Variants in PALLD observed in about 807,000 individuals in gnomAD.
PALLD encodes the protein palladin.
In PALLD, 61 loss-of-function variants were observed where a neutral mutation model predicts 123.5. The observed-to-expected ratio is 0.49, with a 90% CI of 0.40 to 0.61. The LOEUF is 0.61. Among genes scored for constraint, PALLD ranks in the 20% least tolerant of loss-of-function variants. The probability of loss-of-function intolerance (pLI) is 0.00; values close to 1 mark genes in which losing one functional copy is unlikely to be tolerated. For synonymous variants in PALLD, 465 were observed against 496.4 expected, an observed-to-expected ratio of 0.94 and a Z score of 0.84; for missense variants, 1,273 against 1,377.0, an observed-to-expected ratio of 0.92 and a Z score of 1.20.
chr4:168,848,334 A>C (rs1435139017), intron 10 of PALLD, among the ~76,000 whole-genome samples: 1 of 152,120 alleles, frequency 6.6e-6, no homozygotes, highest in Non-Finnish European at 1.5e-5. Context: ...TGTAATTTAG[A>C]GATTGAAGGT....
chr4:168,511,467 C>A lies in PALLD; in HGVS notation c.-38C>A. On this transcript the variant is annotated 5_prime_UTR_variant, in exon 2 of 22. The change creates a new upstream start codon in the 5' untranslated region. Coordinates refer to ENST00000505667, the MANE Select transcript of PALLD (RefSeq NM_001166108.2). ...GTTTCCAGTGCCTCTGGCCTTCCTACTGAAAGCAGACACAGAGTGCATGAA... is the reference window on the plus strand; with the variant it reads ...GTTTCCAGTGCCTCTGGCCTTCCTAATGAAAGCAGACACAGAGTGCATGAA... The A allele has an allele frequency of 2.0e-6, 3 of 1,536,438 alleles. No individual in the cohort carries two copies. The highest frequency in any genetic ancestry group is 2.2e-5 in the East Asian group (1 of 44,536).
At chr4:168,730,422 T>C (rs908561233) in intron 10 of PALLD, among the ~76,000 whole-genome samples, 2 of 152,106 alleles carry the variant, frequency 1.3e-5, no homozygotes, top group African/African-American at 2.4e-5. Context: ...GTTATTGTCA[T>C]TTTGTTTTGT....
chr4:168,842,360 AT>A (rs1406501450), intron 10 of PALLD, among the ~76,000 whole-genome samples: 1 of 152,260 alleles, frequency 6.6e-6, no homozygotes, highest in Non-Finnish European at 1.5e-5. Flanking sequence ...GACTGAACAT[AT>A]GGATCATCTT....
In PALLD at chr4:168,926,767, A is replaced by T. The variant is rs1762628566; in HGVS notation, c.*587A>T. ...GCCTGATAGTGTGAAATGTTTAATGAGGGAGTTGTACCACAAACAGTACTA... is the reference window on the plus strand; with the variant it reads ...GCCTGATAGTGTGAAATGTTTAATGTGGGAGTTGTACCACAAACAGTACTA... On this transcript the variant is annotated 3_prime_UTR_variant, in exon 22 of 22. Transcript: ENST00000505667. 4.0e-6 allele frequency: 1 copy of T among 247,196 alleles called. No homozygotes were observed. The highest frequency in any genetic ancestry group is 7.9e-6 in the Non-Finnish European group (1 of 126,644). The allele number at this position is 247,196 out of a possible 1,614,324, so 15.3% of individuals were successfully genotyped here. A position where few individuals can be genotyped will look rare whatever the true frequency, so the allele number is the denominator to read the frequency against.
rs201127407 is a variant in PALLD at position 168,771,076 on chromosome 4, C to CAA, written c.1964+59162_1964+59163dup. 1.9e-4 allele frequency among the ~76,000 whole-genome samples: 7 copies of CAA among 36,856 alleles called. No homozygotes were observed. The East Asian group carries it at 3.1e-3, about 16-fold the overall frequency. The allele number at this position is 36,856 out of a possible 152,430, so 24.2% of individuals were successfully genotyped here. On this transcript the variant is annotated intron_variant, in intron 10 of 21. Transcript: ENST00000505667. Reference sequence around the variant, plus strand: ...AGACTCCATCTCAAAAAAAAAAAAACAAAAAAAAAACCTTAGTTTCTGAAA... The same window carrying CAA: ...AGACTCCATCTCAAAAAAAAAAAAACAAAAAAAAAAAACCTTAGTTTCTGAAA...
At chr4:168,877,833 C>G in intron 10 of PALLD, 1 of 1,313,704 alleles carries the variant, frequency 7.6e-7, no homozygotes, top group Non-Finnish European at 9.7e-7. Flanking sequence ...CCCCCCTTCC[C>G]GCCGCCGCCC....
In PALLD at chr4:168,511,972, G is replaced by T; in HGVS notation, c.468G>T (p.Thr156=). The T allele has an allele frequency of 6.2e-7, 1 of 1,614,150 alleles. No homozygotes were observed. Among genetic ancestry groups the T allele is most frequent in the South Asian group, 1.1e-5 (1 of 91,086 alleles). ...CCAGCACAAACGTAAAGCCCAAAAC[G>T]CCACATCAAAGAAAGGGTGGCCCCC... ...KTPSTNVKPK[T]PHQRKGGPQS... is the part of the protein sequence containing the mutation. The change falls in exon 2 of 22, where the codon ACG becomes ACT. Residue 156 remains threonine, a synonymous_variant. Transcript: ENST00000505667.
intron 2 of PALLD, among the ~76,000 whole-genome samples, chr4:168,585,001 G>T (rs189499268): frequency 6.6e-6 from 1 of 151,908 alleles, no homozygotes; most frequent in Non-Finnish European, 1.5e-5. Flanking sequence ...CCATATAACT[G>T]GTTTATATAA....
rs571137708 is a variant in PALLD, at chr4:168,719,450, A to G, written c.1964+7527A>G. Among the ~76,000 whole-genome samples, 576 of 150,304 alleles carry G rather than the reference A, an allele frequency of 3.8e-3. 2 individuals are homozygous for G. Among genetic ancestry groups the G allele is most frequent in the Non-Finnish European group, 6.8e-3 (460 of 67,498 alleles). ...TTTTTTTGTACTTTTAGTAGAGACG[A>G]GGTTTCACCATGTTGGCCAGGCTGG... On this transcript the variant is annotated intron_variant, in intron 10 of 21. Coordinates refer to ENST00000505667, the MANE Select transcript of PALLD (RefSeq NM_001166108.2).
chr4:168,663,027 T>C (rs1779271514), intron 2 of PALLD, among the ~76,000 whole-genome samples: 1 of 152,208 alleles, frequency 6.6e-6, no homozygotes, highest in Non-Finnish European at 1.5e-5. Context: ...TATAAGCCTC[T>C]CTCCATATAT....
chr4:168,914,080 A>T, intron 16 of PALLD, 59 bp downstream of exon 16: 2 of 1,018,296 alleles, frequency 2.0e-6, no homozygotes, highest in Non-Finnish European at 3.1e-6. Context: ...CTATAAATGT[A>T]GTACTATTAG....
intron 2 of PALLD, among the ~76,000 whole-genome samples, chr4:168,597,931 T>G (rs891008460): frequency 1.3e-5 from 2 of 152,156 alleles, no homozygotes; most frequent in African/African-American, 4.8e-5. Context: ...ATGCCAATAT[T>G]TCTGTCAAAT....
At chr4:168,801,984 C>A (rs144213487) in intron 10 of PALLD, among the ~76,000 whole-genome samples, 1 of 152,170 alleles carries the variant, frequency 6.6e-6, no homozygotes, top group African/African-American at 2.4e-5. Context: ...GAAAAGTAGT[C>A]TAGCCATGTT....
chr4:168,556,434 A>C (rs1025804037), intron 2 of PALLD, among the ~76,000 whole-genome samples: 1 of 152,192 alleles, frequency 6.6e-6, no homozygotes, highest in Admixed American at 6.5e-5. Context: ...AAGTTGAAGA[A>C]GAAGAAGTGA....
chr4:168,812,644 A>G (rs1361997204), intron 10 of PALLD, among the ~76,000 whole-genome samples: 1 of 152,174 alleles, frequency 6.6e-6, no homozygotes, highest in African/African-American at 2.4e-5. Flanking sequence ...ATCTCAGGAG[A>G]TATTTCTGCA....
At chr4:168,538,893 G>A (rs1198788143) in intron 2 of PALLD, among the ~76,000 whole-genome samples, 1 of 152,136 alleles carries the variant, frequency 6.6e-6, no homozygotes, top group African/African-American at 2.4e-5. Flanking sequence ...CTCTGTTTCC[G>A]AAACACATAT....
At chr4:168,694,135 G>A (rs896039818) in intron 8 of PALLD, among the ~76,000 whole-genome samples, 1 of 152,120 alleles carries the variant, frequency 6.6e-6, no homozygotes, top group East Asian at 1.9e-4. Flanking sequence ...TGACCTGATT[G>A]ACTGTTATAT....
At chr4:168,828,293 G>C (rs1190946794) in intron 10 of PALLD, among the ~76,000 whole-genome samples, 1 of 152,110 alleles carries the variant, frequency 6.6e-6, no homozygotes, top group Non-Finnish European at 1.5e-5. Context: ...CTGCTACATG[G>C]AAATAAAATA....
At chr4:168,601,052 G>A (rs1440637481) in intron 2 of PALLD, among the ~76,000 whole-genome samples, 1 of 151,904 alleles carries the variant, frequency 6.6e-6, no homozygotes, top group Non-Finnish European at 1.5e-5. Flanking sequence ...CTATTTCCTT[G>A]TGTCTCAGTG....
Sources: gnomAD v4.1 joint callset for allele counts (sites outside exome capture counted in the v4.1 genomes callset) on GRCh38, gnomAD v4.1.1 for gene constraint, MANE v1.5 for transcripts, NCBI Gene and HGNC (gene_info 2026-07-23, HGNC 2026-07-21) for gene names.